ALK: variants seen among roughly 807,000 people sequenced by gnomAD.
The protein encoded by ALK is ALK receptor tyrosine kinase, also known as ALK tyrosine kinase receptor.
ALK carries 74 observed loss-of-function variants against 163.1 expected under a neutral mutation model. That is an observed-to-expected ratio of 0.45 (90% CI 0.38 to 0.55). ALK has a LOEUF of 0.55. ALK is among the 20% of genes least tolerant of loss of function. ALK has a pLI of 0.00. For missense variants in ALK, 2,063 were observed against 2,105.3 expected (o/e 0.98, Z 0.39); for synonymous variants, 960 against 843.2 (o/e 1.14, Z -2.40).
At chr2:29,820,433 G>A (rs568701148) in intron 1 of ALK, among the ~76,000 whole-genome samples, 7 of 152,274 alleles carry the variant, frequency 4.6e-5, no homozygotes, top group South Asian at 2.1e-4. Context: ...CCTAGATGCC[G>A]AACCTACCCA....
intron 27 of ALK, 69 bp downstream of exon 27, chr2:29,197,473 G>T (rs1464122454): frequency 1.2e-6 from 2 of 1,603,352 alleles, no homozygotes; most frequent in Non-Finnish European, 1.7e-6. Flanking sequence ...AAGCATATGT[G>T]GCTCTGGATA....
chr2:29,295,852 C>G lies in ALK; in HGVS notation c.1817+1036G>C, dbSNP rs1419419954. Among the ~76,000 whole-genome samples the G allele has an allele frequency of 2.6e-4, 39 of 152,280 alleles. 1 individual carries two copies. Among genetic ancestry groups the G allele is most frequent in the Admixed American group, 6.5e-4 (10 of 15,290 alleles). ...GTGGGTTGTAAGGGTTGACTTTTAG[C>G]CCATAAAAGATGGCTGTCCCCCATC... On this transcript the variant is annotated intron_variant, in intron 9 of 28. Transcript: ENST00000389048.
At chr2:29,499,867 C>T (rs540687763) in intron 4 of ALK, among the ~76,000 whole-genome samples, 3 of 152,238 alleles carry the variant, frequency 2.0e-5, no homozygotes, top group South Asian at 2.1e-4. Flanking sequence ...CCCTTGCCAG[C>T]CAAGTATACC....
intron 3 of ALK, among the ~76,000 whole-genome samples, chr2:29,666,703 T>C (rs1300599639): frequency 6.6e-6 from 1 of 152,150 alleles, no homozygotes; most frequent in Non-Finnish European, 1.5e-5. Context: ...GCAAGTAACT[T>C]ATTCTTTTAA....
At chr2:29,230,484 C>T (rs943721585) in intron 15 of ALK, among the ~76,000 whole-genome samples, 10 of 152,122 alleles carry the variant, frequency 6.6e-5, no homozygotes, top group African/African-American at 1.2e-4. Flanking sequence ...CGGAACCCTA[C>T]GGGTGAACCG....
intron 11 of ALK, among the ~76,000 whole-genome samples, chr2:29,262,510 C>A (rs1473226086): frequency 6.6e-6 from 1 of 152,238 alleles, no homozygotes; most frequent in Non-Finnish European, 1.5e-5. Context: ...GTGGTAACAA[C>A]AACAATGATC....
At position 29,792,559 on chromosome 2, in the gene ALK, G is replaced by C. The variant is rs571824066; in HGVS notation, c.668-74862C>G. 2.0e-5 allele frequency among the ~76,000 whole-genome samples: 3 copies of C among 152,256 alleles called. No homozygotes were observed. In the South Asian group the frequency reaches 6.2e-4, roughly 32 times the overall value. Reference sequence around the variant, plus strand: ...ATTTCACACATCTTTAGATAAGACAGGATTTTCTAAGATTAAAATCAGTAA... The same window carrying C: ...ATTTCACACATCTTTAGATAAGACACGATTTTCTAAGATTAAAATCAGTAA... On this transcript the variant is annotated intron_variant, in intron 1 of 28. Coordinates refer to ENST00000389048, the MANE Select transcript of ALK (RefSeq NM_004304.5).
At chr2:29,710,514 G>C (rs923403466) in intron 2 of ALK, among the ~76,000 whole-genome samples, 6 of 150,422 alleles carry the variant, frequency 4.0e-5, no homozygotes, top group African/African-American at 1.5e-4. Flanking sequence ...GTGTGTGTGT[G>C]TGTGTGTGTG....
intron 1 of ALK, among the ~76,000 whole-genome samples, chr2:29,796,479 A>G (rs1427258582): frequency 6.6e-6 from 1 of 152,242 alleles, no homozygotes; most frequent in African/African-American, 2.4e-5. Context: ...GAAAATTGTA[A>G]TAAGAATGAA....
At chr2:29,669,312 A>C (rs572121776) in intron 3 of ALK, among the ~76,000 whole-genome samples, 24 of 152,158 alleles carry the variant, frequency 1.6e-4, no homozygotes, top group African/African-American at 5.5e-4. Flanking sequence ...TAATTGTTAT[A>C]TCCTCTTCTT....
chr2:29,195,448 G>A (rs13428329), intron 28 of ALK, among the ~76,000 whole-genome samples: 40,215 of 151,936 alleles, frequency 0.26, 6,596 homozygotes, highest in East Asian at 0.74. Flanking sequence ...GAAGAGGAGG[G>A]GATTTAAAGA....
At chr2:29,281,132 G>A (rs940088036) in intron 9 of ALK, among the ~76,000 whole-genome samples, 1 of 152,204 alleles carries the variant, frequency 6.6e-6, no homozygotes, top group Non-Finnish European at 1.5e-5. Flanking sequence ...AGACCACTCT[G>A]GGACTGAGGG....
intron 8 of ALK, among the ~76,000 whole-genome samples, chr2:29,302,902 C>T (rs1666409382): frequency 6.6e-6 from 1 of 152,120 alleles, no homozygotes; most frequent in Non-Finnish European, 1.5e-5. Flanking sequence ...AAATGTAAGA[C>T]ATCAAACTAT....
chr2:29,687,177 T>G (rs1048121125), intron 3 of ALK, among the ~76,000 whole-genome samples: 1 of 152,004 alleles, frequency 6.6e-6, no homozygotes, highest in Non-Finnish European at 1.5e-5. Context: ...GTGGGTGTGT[T>G]TCTGTACTCT....
chr2:29,867,043 G>A (rs7586014), intron 1 of ALK, among the ~76,000 whole-genome samples: 17,406 of 152,190 alleles, frequency 0.11, 1,369 homozygotes, highest in Non-Finnish European at 0.16. Flanking sequence ...GGCCCTGGAT[G>A]CCAACTTCTG....
At chr2:29,632,746 T>A (rs76398372) in intron 3 of ALK, among the ~76,000 whole-genome samples, 2,593 of 152,282 alleles carry the variant, frequency 0.017, 70 homozygotes, top group African/African-American at 0.058. Context: ...CTGTTCCACA[T>A]GGCTGGGGAC....
At chr2:29,700,510 C>T (rs1678701941) in intron 2 of ALK, among the ~76,000 whole-genome samples, 1 of 152,200 alleles carries the variant, frequency 6.6e-6, no homozygotes, top group Non-Finnish European at 1.5e-5. Context: ...CACCATTGCA[C>T]TCCAGCCTGG....
At chr2:29,861,101 G>A (rs962631953) in intron 1 of ALK, among the ~76,000 whole-genome samples, 1 of 152,180 alleles carries the variant, frequency 6.6e-6, no homozygotes, top group Non-Finnish European at 1.5e-5. Flanking sequence ...GAGCCCACGA[G>A]GTCAAGGCTG....
At chr2:29,772,112 G>A (rs1010154734) in intron 1 of ALK, among the ~76,000 whole-genome samples, 3 of 152,214 alleles carry the variant, frequency 2.0e-5, no homozygotes, top group Non-Finnish European at 2.9e-5. Context: ...GCAGGGAAGA[G>A]GGCTCCAGGA....
Sources: allele counts gnomAD v4.1 joint callset (sites outside exome capture counted in the v4.1 genomes callset), GRCh38; gene constraint gnomAD v4.1.1; transcripts MANE v1.5; gene names NCBI Gene and HGNC (gene_info 2026-07-23, HGNC 2026-07-21).